The following PER2 variants were observed in gnomAD, a reference collection of about 807,000 sequenced individuals.
PER2 encodes the protein period circadian protein homolog 2.
Under a neutral mutation model 121.0 loss-of-function variants are expected in PER2, and 66 were observed. The observed-to-expected ratio is 0.55, with a 90% CI of 0.45 to 0.67. The LOEUF is 0.67. Among genes scored for constraint, PER2 ranks in the 30% least tolerant of loss-of-function variants. The pLI is 0.00. For synonymous variants in PER2, 684 were observed against 659.9 expected (o/e 1.04, Z -0.56); for missense variants, 1,521 against 1,635.0 (o/e 0.93, Z 1.20).
rs1241554511 is a variant in PER2, at chr2:238,268,458, G to C, written c.825-260C>G. 6.6e-6 allele frequency among the ~76,000 whole-genome samples: 1 copy of C among 152,210 alleles called. No homozygotes were observed. Among genetic ancestry groups the C allele is most frequent in the Non-Finnish European group, 1.5e-5 (1 of 68,036 alleles). The stretch of plus-strand genomic sequence containing the variant: ...CTGGGTTGGTAAAGCAGACAGAAAA[G>C]GGGTGCTGCTCCCGCCAGGGGTCCT... On this transcript the variant is annotated intron_variant, in intron 7 of 22. Transcript: ENST00000254657. The surrounding 1 kb of genome is among the most constrained non-coding windows in gnomAD (Gnocchi z 4.0).
rs371067099 is a variant in PER2, at chr2:238,253,745, C to T, written c.2321-43G>A. ...ATACTCGGAGTTAAAATTTTAACTC[C>T]AAATTTGAAGACACCTCTTCGTTCA... On this transcript the variant is annotated intron_variant, in intron 18 of 22. Transcript: ENST00000254657. The surrounding 1 kb of genome is among the most constrained non-coding windows in gnomAD (Gnocchi z 5.6). 3 of 1,464,852 alleles carry T rather than the reference C, an allele frequency of 2.0e-6. No homozygotes were observed. In the African/African-American group the frequency reaches 4.2e-5, roughly 20 times the overall value. 90.7% of individuals were successfully genotyped at this position (1,464,852 alleles called of 1,614,324 possible).
Position 238,246,305 on chromosome 2 carries a change from A to G in PER2, c.*70T>C. 8.6e-7 allele frequency: 1 copy of G among 1,169,578 alleles called. No individual in the cohort carries two copies. The highest frequency in any genetic ancestry group is 2.5e-5 in the East Asian group (1 of 40,004). 72.5% of individuals were successfully genotyped at this position (1,169,578 alleles called of 1,614,324 possible). The stretch of plus-strand genomic sequence containing the variant: ...GTCCATTTCAGTGGAAACAGCCATG[A>G]AGATCTTTCATCTCTTCCAAGCACC... On this transcript the variant is annotated 3_prime_UTR_variant, in exon 23 of 23. Coordinates refer to ENST00000254657, the MANE Select transcript of PER2 (RefSeq NM_022817.3).
intron 4 of PER2, among the ~76,000 whole-genome samples, chr2:238,274,876 C>T (rs1696404666): frequency 6.6e-6 from 1 of 152,164 alleles, no homozygotes. Flanking sequence ...CACCCAAAGC[C>T]AACACCCAAA....
intron 1 of PER2, among the ~76,000 whole-genome samples, chr2:238,287,721 C>G (rs1219047908): frequency 6.6e-6 from 1 of 152,220 alleles, no homozygotes; most frequent in East Asian, 1.9e-4. Flanking sequence ...AGGGTGCCTT[C>G]TGGCTCTGTT....
At chr2:238,273,932 CT>C (rs1696373520) in intron 4 of PER2, among the ~76,000 whole-genome samples, 1 of 152,186 alleles carries the variant, frequency 6.6e-6, no homozygotes, top group Non-Finnish European at 1.5e-5. Flanking sequence ...TCCCAAAGTG[CT>C]GGGATTACAG....
chr2:238,271,657 A>G, intron 5 of PER2, 144 bp from the exon 6 acceptor site: 1 of 687,624 alleles, frequency 1.5e-6, no homozygotes, highest in Non-Finnish European at 2.6e-6. Context: ...AGCCCTCACC[A>G]AAAAATCCTA....
Position 238,262,950 on chromosome 2 carries a change from A to C in PER2, c.1153+2T>G, listed in dbSNP as rs1695980385. The stretch of plus-strand genomic sequence containing the variant: ...AGGATGTACCATGAAAAGGGGACCT[A>C]CTCTTTTTGTGGATGGCCAGCATCA... On this transcript the variant is annotated splice_donor_variant, in intron 10 of 22. Coordinates refer to ENST00000254657, the MANE Select transcript of PER2 (RefSeq NM_022817.3). LOFTEE classifies it high-confidence loss of function. 1 of 1,595,370 alleles carries C rather than the reference A, an allele frequency of 6.3e-7. No homozygotes were observed. Among genetic ancestry groups the C allele is most frequent in the Non-Finnish European group, 8.6e-7 (1 of 1,163,212 alleles).
At position 238,253,294 on chromosome 2, in the gene PER2, C is replaced by G. The variant is rs1456710134; in HGVS notation, c.2729G>C (p.Ser910Thr). The G allele has an allele frequency of 6.8e-6, 11 of 1,613,092 alleles. No individual in the cohort carries two copies. The highest frequency in any genetic ancestry group is 2.7e-5 in the African/African-American group (2 of 74,882). ...LAPVMAFMLPSYSFPSGTPNL... is the reference protein window; with the variant it reads ...LAPVMAFMLPTYSFPSGTPNL... ...TGGGGTCCCCGAGGGGAAGGAATAA[C>G]TGGGTAGCATGAATGCCATGACAGG... Residue 910 changes from serine to threonine, a missense_variant, in exon 19 of 23, where the codon AGT becomes ACT. Transcript: ENST00000254657. The surrounding 1 kb of genome is among the most constrained non-coding windows in gnomAD (Gnocchi z 5.6).
rs1215883436 is a variant in PER2, at chr2:238,265,610, C to T, written c.968-20G>A. 6 of 1,425,702 alleles carry T rather than the reference C, an allele frequency of 4.2e-6. No individual in the cohort carries two copies. Among genetic ancestry groups the T allele is most frequent in the South Asian group, 1.1e-5 (1 of 87,102 alleles). 88.3% of individuals were successfully genotyped at this position (1,425,702 alleles called of 1,614,324 possible). ...TAGGGGCTGAAAGAACAGAATATTG[C>T]ACACATTTGTGATCCTAAGAAATGC... On this transcript the variant is annotated intron_variant, in intron 8 of 22. Transcript: ENST00000254657.
At position 238,255,502 on chromosome 2, in the gene PER2, G is replaced by C. The variant is rs528800929; in HGVS notation, c.2320+155C>G. On this transcript the variant is annotated intron_variant, in intron 18 of 22. Transcript: ENST00000254657. Reference sequence around the variant, plus strand: ...CACCCCCCCGGTGGGAAGTTCTACAGAAACAGATGGCGTTGCCAGGGAAGT... The same window carrying C: ...CACCCCCCCGGTGGGAAGTTCTACACAAACAGATGGCGTTGCCAGGGAAGT... 2.2e-4 allele frequency: 175 copies of C among 811,960 alleles called. 1 individual carries two copies. In the African/African-American group the frequency reaches 2.8e-3, roughly 13 times the overall value. 50.3% of individuals were successfully genotyped at this position (811,960 alleles called of 1,614,324 possible). A position where few individuals can be genotyped will look rare whatever the true frequency, so the allele number is the denominator to read the frequency against.
intron 18 of PER2, among the ~76,000 whole-genome samples, chr2:238,254,507 T>C (rs1695703445): frequency 6.6e-6 from 1 of 152,214 alleles, no homozygotes; most frequent in African/African-American, 2.4e-5. Context: ...CCTATGTAAA[T>C]GGAGGTTTTG....
intron 14 of PER2, 117 bp from the exon 15 acceptor site, chr2:238,258,761 A>G (rs1559326588): frequency 9.7e-7 from 1 of 1,030,616 alleles, no homozygotes. Context: ...AATCTGCTTC[A>G]TGAGTATGGA....
intron 9 of PER2, 42 bp downstream of exon 9, chr2:238,265,468 TTA>T: frequency 7.8e-7 from 1 of 1,276,818 alleles, no homozygotes; most frequent in Non-Finnish European, 1.1e-6. Flanking sequence ...TAAATAGCTT[TTA>T]TATCAAAAAC....
chr2:238,260,950 C>G lies in PER2; in HGVS notation c.1420G>C (p.Val474Leu), dbSNP rs372278249. 9.3e-6 allele frequency: 15 copies of G among 1,612,732 alleles called. No individual in the cohort carries two copies. In the South Asian group the frequency reaches 1.3e-4, roughly 14 times the overall value. The change falls in exon 13 of 23, where the codon GTC becomes CTC. Residue 474 changes from valine (V) to leucine (L), a missense_variant. Val to Leu is a conservative substitution (Grantham distance 32). Transcript: ENST00000254657. The stretch of plus-strand genomic sequence containing the variant: ...TAGCCACTGGAGCCGCTGTGGGGGA[C>G]GGGCTGGGGAGACAGCAGACAGCGC... ...EQIHRLLLQP[V>L]PHSGSSGYGS... is the part of the protein sequence containing the mutation.
rs764915690 is a variant in PER2, at chr2:238,260,904, C to T, written c.1466G>A (p.Gly489Glu). Residue 489 changes from glycine to glutamate, a missense_variant, in exon 13 of 23, where the codon GGG (glycine) becomes GAG (glutamate). Transcript: ENST00000254657. ...SSGYGSLGSN[G>E]SHEHLMSQTS... Reference sequence around the variant, plus strand: ...CTGGCTCATAAGGTGCTCGTGGGACCCGTTGCTGCCCAGACTCCCGTAGCC... The same window carrying T: ...CTGGCTCATAAGGTGCTCGTGGGACTCGTTGCTGCCCAGACTCCCGTAGCC... 1.1e-5 allele frequency: 17 copies of T among 1,613,654 alleles called. No homozygotes were observed. In the Admixed American group the frequency reaches 2.5e-4, roughly 24 times the overall value.
Position 238,258,582 on chromosome 2 carries a change from C to A in PER2, c.1690G>T (p.Gly564Trp), listed in dbSNP as rs1364372500. The stretch of plus-strand genomic sequence containing the variant: ...GCCAACTCCTCGGGGAAGCTGACCC[C>A]CAGGCTGTCCTTTTCCATGGCAGGG... ...AVPAMEKDSL[G>W]VSFPEELACK... Residue 564 changes from glycine to tryptophan, a missense_variant, in exon 15 of 23, where the codon GGG becomes TGG. Transcript: ENST00000254657. The A allele has an allele frequency of 6.2e-7, 1 of 1,614,050 alleles. No homozygotes were observed. The highest frequency in any genetic ancestry group is 2.2e-5 in the East Asian group (1 of 44,898).
Position 238,249,052 on chromosome 2 carries a change from G to A in PER2, c.3618+10C>T, listed in dbSNP as rs781149490. ...AGGGCCATATCAGAAATCGAGTCCC[G>A]TGAGCTTACTGCCACGTCGATGGCT... On this transcript the variant is annotated intron_variant, in intron 22 of 22. Coordinates refer to ENST00000254657, the MANE Select transcript of PER2 (RefSeq NM_022817.3). The A allele has an allele frequency of 2.9e-5, 46 of 1,613,628 alleles. No homozygotes were observed. Among genetic ancestry groups the A allele is most frequent in the South Asian group, 4.4e-5 (4 of 91,086 alleles).
At chr2:238,266,150 A>C (rs184417518) in intron 8 of PER2, among the ~76,000 whole-genome samples, 2 of 151,908 alleles carry the variant, frequency 1.3e-5, no homozygotes, top group African/African-American at 2.4e-5. Context: ...TGATCCGCCC[A>C]CCTTGGCCTC....
At chr2:238,286,305 G>A (rs1028053978) in intron 1 of PER2, among the ~76,000 whole-genome samples, 1 of 152,192 alleles carries the variant, frequency 6.6e-6, no homozygotes, top group Non-Finnish European at 1.5e-5. Context: ...CTTCGAGGCC[G>A]GTGAGGGTTC....
Sources: gnomAD v4.1 joint callset for allele counts (sites outside exome capture counted in the v4.1 genomes callset) on GRCh38, gnomAD v4.1.1 for gene constraint, Gnocchi (gnomAD v3.1) non-coding constraint, MANE v1.5 for transcripts, NCBI Gene and HGNC (gene_info 2026-07-23, HGNC 2026-07-21) for gene names.